The following STK39 variants were observed in gnomAD, a reference collection of about 807,000 sequenced individuals.
STK39 encodes serine/threonine kinase 39, also known as STE20/SPS1-related proline-alanine-rich protein kinase.
STK39 carries 20 observed loss-of-function variants against 77.8 expected under a neutral mutation model. That is an observed-to-expected ratio of 0.26 (90% CI 0.18 to 0.37). The LOEUF is 0.37. Among genes scored for constraint, STK39 ranks in the 10% least tolerant of loss-of-function variants. The pLI is 1.00. For missense variants in STK39, 479 were observed against 656.5 expected (o/e 0.73, Z 2.95); for synonymous variants, 246 against 234.1 (o/e 1.05, Z -0.47).
At position 168,162,506 on chromosome 2, in the gene STK39, A is replaced by C. The variant is rs13404968; in HGVS notation, c.573-664T>G. On this transcript the variant is annotated intron_variant, in intron 4 of 17. Transcript: ENST00000355999. The stretch of plus-strand genomic sequence containing the variant: ...GTCATTCTACCAAGTATTAAAGCCC[A>C]GTCTATGTAAAGCTCCTCTACTTCC... Among the ~76,000 whole-genome samples, 367 of 152,228 alleles carry C rather than the reference A, an allele frequency of 2.4e-3. 2 individuals carry two copies. Among genetic ancestry groups the C allele is most frequent in the African/African-American group, 8.2e-3 (339 of 41,544 alleles).
At chr2:168,134,741 A>G (rs1687788757) in intron 8 of STK39, among the ~76,000 whole-genome samples, 1 of 152,072 alleles carries the variant, frequency 6.6e-6, no homozygotes, top group Non-Finnish European at 1.5e-5. Context: ...CATCGTTGAC[A>G]AAAAAACACA....
At position 167,980,184 on chromosome 2, in the gene STK39, C is replaced by G. The variant is rs150621271; in HGVS notation, c.1499-15458G>C. Among the ~76,000 whole-genome samples, 420 of 152,286 alleles carry G rather than the reference C, an allele frequency of 2.8e-3. 1 individual carries two copies. The highest frequency in any genetic ancestry group is 4.6e-3 in the Non-Finnish European group (310 of 68,030). ...GAAATAATTTGTGTCTCCTTCAATGCATATAATCACTTGATTAAAAAACAA... is the reference window on the plus strand; with the variant it reads ...GAAATAATTTGTGTCTCCTTCAATGGATATAATCACTTGATTAAAAAACAA... On this transcript the variant is annotated intron_variant, in intron 16 of 17. Transcript: ENST00000355999.
chr2:168,026,599 T>C (rs1177085395), intron 14 of STK39, among the ~76,000 whole-genome samples: 1 of 152,186 alleles, frequency 6.6e-6, no homozygotes, highest in Admixed American at 6.5e-5. Context: ...AGACCACTGC[T>C]CTTTATTCTA....
chr2:167,959,636 A>G (rs1691887902), intron 17 of STK39, among the ~76,000 whole-genome samples: 1 of 152,210 alleles, frequency 6.6e-6, no homozygotes, highest in South Asian at 2.1e-4. Context: ...ACACCCGTAT[A>G]ATGAAGGAGG....
intron 1 of STK39, among the ~76,000 whole-genome samples, chr2:168,214,985 A>G (rs1041866851): frequency 6.6e-6 from 1 of 152,154 alleles, no homozygotes; most frequent in Non-Finnish European, 1.5e-5. Context: ...GTTAGTACAT[A>G]CCATCTTTTA....
chr2:168,176,060 G>C (rs564480531), intron 2 of STK39, among the ~76,000 whole-genome samples: 2 of 152,096 alleles, frequency 1.3e-5, no homozygotes, highest in Non-Finnish European at 2.9e-5. Flanking sequence ...AATGAGCTGG[G>C]ATATGAATTA....
intron 2 of STK39, among the ~76,000 whole-genome samples, chr2:168,179,362 T>C (rs1689027370): frequency 6.6e-6 from 1 of 152,198 alleles, no homozygotes; most frequent in Non-Finnish European, 1.5e-5. Context: ...CACAGAAGCC[T>C]GGCAAATCAG....
At chr2:168,222,073 A>G (rs1439616611) in intron 1 of STK39, among the ~76,000 whole-genome samples, 1 of 152,162 alleles carries the variant, frequency 6.6e-6, no homozygotes, top group Non-Finnish European at 1.5e-5. Context: ...GTGTATTTGC[A>G]TCTTTTTTCC....
intron 8 of STK39, among the ~76,000 whole-genome samples, chr2:168,136,279 G>C (rs963943842): frequency 6.7e-6 from 1 of 150,180 alleles, no homozygotes; most frequent in Non-Finnish European, 1.5e-5. Context: ...TGAGGCAGGA[G>C]AATCACTTGA....
At chr2:168,024,830 G>A (rs1263265298) in intron 14 of STK39, among the ~76,000 whole-genome samples, 2 of 152,178 alleles carry the variant, frequency 1.3e-5, no homozygotes, top group African/African-American at 4.8e-5. Context: ...TAGAGACAAG[G>A]AAACTGAGGC....
At chr2:168,116,188 G>A (rs530567490) in intron 10 of STK39, among the ~76,000 whole-genome samples, 59 of 152,272 alleles carry the variant, frequency 3.9e-4, no homozygotes, top group African/African-American at 1.3e-3. Flanking sequence ...CAAAGTCACA[G>A]AGAAAGCCCA....
chr2:168,136,323 C>T (rs368759969), intron 8 of STK39, among the ~76,000 whole-genome samples: 38 of 149,160 alleles, frequency 2.5e-4, no homozygotes, highest in African/African-American at 8.7e-4. Flanking sequence ...GAGCCAAGAT[C>T]GCGCCACTGC....
chr2:168,115,105 A>G (rs1311646750), intron 10 of STK39, among the ~76,000 whole-genome samples: 1 of 152,206 alleles, frequency 6.6e-6, no homozygotes, highest in African/African-American at 2.4e-5. Flanking sequence ...AATCTCTCCT[A>G]AAGTACTGAA....
intron 10 of STK39, among the ~76,000 whole-genome samples, chr2:168,079,519 C>T (rs115684341): frequency 0.02 from 2,999 of 152,310 alleles, 96 homozygotes; most frequent in African/African-American, 0.069. Context: ...CCTGGTGCCA[C>T]TACAGATGGC....
chr2:168,097,797 ATGCTTGAATTTATCCAAGT>A (rs1186110989), intron 10 of STK39, among the ~76,000 whole-genome samples: 1 of 152,220 alleles, frequency 6.6e-6, no homozygotes, highest in Non-Finnish European at 1.5e-5. Flanking sequence ...CAACTATTAC[ATGCTTGAATTTATCCAAGT>A]ATATCATGTG....
chr2:168,072,564 C>T (rs543972181), intron 12 of STK39, among the ~76,000 whole-genome samples: 56 of 152,322 alleles, frequency 3.7e-4, no homozygotes, highest in African/African-American at 1.3e-3. Context: ...CCCATAAGAA[C>T]GTGAGCTCCA....
At chr2:168,053,484 G>T (rs1365221931) in intron 14 of STK39, among the ~76,000 whole-genome samples, 2 of 152,144 alleles carry the variant, frequency 1.3e-5, no homozygotes, top group Non-Finnish European at 2.9e-5. Flanking sequence ...GATTATGGAT[G>T]ATGTTATTTC....
At chr2:168,116,012 C>A (rs1687249559) in intron 10 of STK39, among the ~76,000 whole-genome samples, 1 of 152,198 alleles carries the variant, frequency 6.6e-6, no homozygotes, top group Admixed American at 6.5e-5. Context: ...AGCTGCCACT[C>A]AAGGTTACCC....
chr2:168,157,650 C>G (rs1688469524), intron 5 of STK39, among the ~76,000 whole-genome samples: 1 of 152,092 alleles, frequency 6.6e-6, no homozygotes, highest in Non-Finnish European at 1.5e-5. Flanking sequence ...TATAAAGGCA[C>G]TGGCCCTACT....
Sources: allele counts gnomAD v4.1 joint callset (sites outside exome capture counted in the v4.1 genomes callset), GRCh38; gene constraint gnomAD v4.1.1; transcripts MANE v1.5; gene names NCBI Gene and HGNC (gene_info 2026-07-23, HGNC 2026-07-21).